The following LIMCH1 variants were observed in gnomAD, a reference collection of about 807,000 sequenced individuals.
The protein encoded by LIMCH1 is LIM and calponin homology domains-containing protein 1.
In LIMCH1, 113 loss-of-function variants were observed where a neutral mutation model predicts 176.5. The observed-to-expected ratio is 0.64, with a 90% CI of 0.55 to 0.75. The LOEUF (loss-of-function observed/expected upper bound fraction) is 0.75. LIMCH1 is among the 30% of genes least tolerant of loss of function. The pLI, the probability that LIMCH1 is intolerant of heterozygous loss-of-function variation, is 0.00. For synonymous variants in LIMCH1, 619 were observed against 645.9 expected (o/e 0.96, Z 0.63); for missense variants, 1,674 against 1,814.9 (o/e 0.92, Z 1.41).
intron 1 of LIMCH1, among the ~76,000 whole-genome samples, chr4:41,545,780 C>T (rs2079292054): frequency 6.6e-6 from 1 of 152,190 alleles, no homozygotes; most frequent in East Asian, 1.9e-4. Flanking sequence ...CAAGTCAGCA[C>T]AGAGCTTATG....
intron 1 of LIMCH1, among the ~76,000 whole-genome samples, chr4:41,595,965 T>G (rs10024923): frequency 0.35 from 52,011 of 150,520 alleles, 14,413 homozygotes; most frequent in African/African-American, 0.78. Flanking sequence ...CAGTAGAATC[T>G]CTTGAACCTA....
At chr4:41,643,566 A>G (rs905557033) in intron 14 of LIMCH1, among the ~76,000 whole-genome samples, 9 of 152,204 alleles carry the variant, frequency 5.9e-5, no homozygotes, top group African/African-American at 1.7e-4. Context: ...TGTAAGCATC[A>G]CAAAAAAGGC....
intron 2 of LIMCH1, among the ~76,000 whole-genome samples, chr4:41,506,195 C>T (rs1223036920): frequency 2.0e-5 from 3 of 152,184 alleles, no homozygotes; most frequent in African/African-American, 7.2e-5. Context: ...ATTTTTGTCT[C>T]AGTTCCTGTG....
intron 1 of LIMCH1, among the ~76,000 whole-genome samples, chr4:41,597,015 A>G (rs969052916): frequency 1.3e-5 from 2 of 151,252 alleles, no homozygotes; most frequent in African/African-American, 4.9e-5. Context: ...CACACCGTCT[A>G]CCTCCCCCCA....
chr4:41,606,088 G>T (rs573974446), intron 4 of LIMCH1, 84 bp downstream of exon 4: 18 of 902,188 alleles, frequency 2.0e-5, no homozygotes, highest in Admixed American at 4.0e-5. Context: ...GATTACTAGA[G>T]TACTGGGTTG....
At chr4:41,433,416 A>G (rs1463122313) in intron 1 of LIMCH1, among the ~76,000 whole-genome samples, 1 of 152,144 alleles carries the variant, frequency 6.6e-6, no homozygotes, top group Non-Finnish European at 1.5e-5. Context: ...ACAACAATTT[A>G]TTGTTTCTTA....
At chr4:41,403,266 G>A (rs1294567332) in intron 1 of LIMCH1, among the ~76,000 whole-genome samples, 2 of 152,088 alleles carry the variant, frequency 1.3e-5, no homozygotes, top group Non-Finnish European at 2.9e-5. Context: ...AAGATGCAAA[G>A]AACTATGTTG....
At chr4:41,442,916 G>T (rs1449817746) in intron 1 of LIMCH1, among the ~76,000 whole-genome samples, 1 of 152,162 alleles carries the variant, frequency 6.6e-6, no homozygotes, top group African/African-American at 2.4e-5. Context: ...AAATGAAAGG[G>T]AAACATACAA....
At chr4:41,501,303 T>C (rs1218397372) in intron 2 of LIMCH1, among the ~76,000 whole-genome samples, 1 of 152,244 alleles carries the variant, frequency 6.6e-6, no homozygotes, top group African/African-American at 2.4e-5. Context: ...ATCTGAAGCA[T>C]TCACTGCAAG....
intron 1 of LIMCH1, among the ~76,000 whole-genome samples, chr4:41,424,254 G>A (rs2060879539): frequency 6.6e-6 from 1 of 151,820 alleles, no homozygotes; most frequent in African/African-American, 2.4e-5. Flanking sequence ...TTCTGATCTT[G>A]TTTTATATAT....
chr4:41,478,201 T>G (rs2068040334), intron 1 of LIMCH1, among the ~76,000 whole-genome samples: 1 of 152,218 alleles, frequency 6.6e-6, no homozygotes, highest in African/African-American at 2.4e-5. Flanking sequence ...CTTAGCTAAT[T>G]ATTGAAGGTG....
At chr4:41,534,700 ATT>A (rs139513362), upstream of LIMCH1, among the ~76,000 whole-genome samples, 1 of 150,636 alleles carries the variant, frequency 6.6e-6, no homozygotes, top group Non-Finnish European at 1.5e-5. Flanking sequence ...ATGAAGACAT[ATT>A]TTTTTTTTCT....
At chr4:41,563,501 T>C (rs1403108559) in intron 1 of LIMCH1, among the ~76,000 whole-genome samples, 1 of 152,198 alleles carries the variant, frequency 6.6e-6, no homozygotes, top group Non-Finnish European at 1.5e-5. Flanking sequence ...TTAGTATTTT[T>C]CCTACACAAA....
chr4:41,678,842 A>C (rs991351314), intron 23 of LIMCH1, among the ~76,000 whole-genome samples: 9 of 152,206 alleles, frequency 5.9e-5, no homozygotes, highest in Admixed American at 5.9e-4. Context: ...AGAACCAAGA[A>C]GCCTAAGAAG....
At chr4:41,681,517 T>C (rs532656673) in intron 25 of LIMCH1, among the ~76,000 whole-genome samples, 11 of 152,216 alleles carry the variant, frequency 7.2e-5, no homozygotes, top group African/African-American at 2.6e-4. Flanking sequence ...AAATTGCTTC[T>C]AACCCCCCCA....
At chr4:41,689,094 A>G (rs1723244969) in intron 29 of LIMCH1, among the ~76,000 whole-genome samples, 1 of 152,200 alleles carries the variant, frequency 6.6e-6, no homozygotes, top group South Asian at 2.1e-4. Context: ...CTTAATAAGT[A>G]AAAAGAAATG....
intron 1 of LIMCH1, among the ~76,000 whole-genome samples, chr4:41,459,185 GA>G (rs1443817788): frequency 6.6e-6 from 1 of 152,138 alleles, no homozygotes; most frequent in Non-Finnish European, 1.5e-5. Context: ...CAAGGATAAA[GA>G]GCTTAAAGAG....
chr4:41,451,282 AT>A (rs751182247), intron 1 of LIMCH1, among the ~76,000 whole-genome samples: 451 of 139,658 alleles, frequency 3.2e-3, no homozygotes, highest in Admixed American at 3.2e-3. Flanking sequence ...CGCCTGGCTA[AT>A]TTTTTTTTTT....
chr4:41,428,504 G>A, intron 1 of LIMCH1, among the ~76,000 whole-genome samples: 1 of 152,278 alleles, frequency 6.6e-6, no homozygotes, highest in Middle Eastern at 3.4e-3. Flanking sequence ...ATAGGGAGTG[G>A]CAGAGAAAGC....
Sources: allele counts gnomAD v4.1 joint callset (sites outside exome capture counted in the v4.1 genomes callset), GRCh38; gene constraint gnomAD v4.1.1; transcripts MANE v1.5; gene names NCBI Gene and HGNC (gene_info 2026-07-23, HGNC 2026-07-21).